The following SLC4A4 variants were observed in gnomAD, a reference collection of about 807,000 sequenced individuals.
The protein encoded by SLC4A4 is electrogenic sodium bicarbonate cotransporter 1.
Under a neutral mutation model 111.5 loss-of-function variants are expected in SLC4A4, and 27 were observed. The ratio of observed to expected loss-of-function variants is 0.24; its 90% CI spans 0.18 to 0.33. SLC4A4 has a LOEUF of 0.33. Ranked by LOEUF, SLC4A4 falls within the 10% of genes least tolerant of loss-of-function variation. SLC4A4 has a pLI of 1.00. For synonymous variants in SLC4A4, 443 were observed against 463.4 expected (o/e 0.96, Z 0.57); for missense variants, 909 against 1,315.5 (o/e 0.69, Z 4.78).
chr4:71,458,222 C>T (rs1282644426), intron 12 of SLC4A4, among the ~76,000 whole-genome samples: 8 of 152,000 alleles, frequency 5.3e-5, no homozygotes, highest in African/African-American at 1.9e-4. Flanking sequence ...ATTCAAAGTA[C>T]TGTCTGAATG....
At chr4:71,069,887 G>A (rs200502302) in intron 1 of SLC4A4, among the ~76,000 whole-genome samples, 1,572 of 151,406 alleles carry the variant, frequency 0.01, 35 homozygotes, top group African/African-American at 0.036. Context: ...AATAAAATTA[G>A]TTTTTTTTTA....
chr4:71,503,241 CTT>C (rs201455805), intron 16 of SLC4A4, among the ~76,000 whole-genome samples: 13 of 136,676 alleles, frequency 9.5e-5, no homozygotes, highest in Middle Eastern at 4.0e-3. Context: ...ATAGTTTGGT[CTT>C]TTTTTTTTTT....
At chr4:71,530,737 C>T (rs1024504300) in intron 16 of SLC4A4, among the ~76,000 whole-genome samples, 15 of 152,084 alleles carry the variant, frequency 9.9e-5, no homozygotes, top group Non-Finnish European at 1.5e-5. Flanking sequence ...AGGGCTTTTA[C>T]CTTACCCACC....
chr4:71,259,284 C>T (rs149511495), intron 3 of SLC4A4, among the ~76,000 whole-genome samples: 39 of 152,030 alleles, frequency 2.6e-4, no homozygotes, highest in Middle Eastern at 3.4e-3. Context: ...GTGTCAAGAC[C>T]GGGTTTCTAA....
At chr4:71,274,189 C>T (rs1409536060) in intron 3 of SLC4A4, among the ~76,000 whole-genome samples, 6 of 152,022 alleles carry the variant, frequency 3.9e-5, no homozygotes, top group East Asian at 1.9e-4. Context: ...TTAAGAGAAT[C>T]GTAATGAAGA....
At chr4:71,560,070 A>G in intron 22 of SLC4A4, 23 bp from the exon 23 acceptor site, 1 of 1,582,168 alleles carries the variant, frequency 6.3e-7, no homozygotes, top group Non-Finnish European at 8.7e-7. Context: ...TTTCTTTCAT[A>G]CTTTTAATAT....
chr4:71,408,981 G>C (rs1721118887), intron 7 of SLC4A4, among the ~76,000 whole-genome samples: 1 of 152,130 alleles, frequency 6.6e-6, no homozygotes, highest in East Asian at 1.9e-4. Context: ...AGATCTATGG[G>C]CTTATCTGGT....
At chr4:71,345,623 G>A (rs1729259420) in intron 4 of SLC4A4, among the ~76,000 whole-genome samples, 1 of 151,858 alleles carries the variant, frequency 6.6e-6, no homozygotes, top group Admixed American at 6.6e-5. Context: ...TTTACTTCAG[G>A]TAAATCTGAA....
chr4:71,141,099 A>G (rs1330976766), intron 2 of SLC4A4, among the ~76,000 whole-genome samples: 1 of 152,206 alleles, frequency 6.6e-6, no homozygotes, highest in African/African-American at 2.4e-5. Context: ...ATAGAACTCA[A>G]AAAAGAAAAA....
chr4:71,336,643 T>G (rs1245147729), intron 3 of SLC4A4, among the ~76,000 whole-genome samples: 1 of 152,198 alleles, frequency 6.6e-6, no homozygotes, highest in African/African-American at 2.4e-5. Context: ...TTACATTTTA[T>G]CCTGTGTGCT....
At chr4:71,530,284 T>G (rs1733804665) in intron 16 of SLC4A4, among the ~76,000 whole-genome samples, 1 of 152,160 alleles carries the variant, frequency 6.6e-6, no homozygotes, top group South Asian at 2.1e-4. Context: ...GAGAGTTTAT[T>G]ATGTTCCAGG....
intron 5 of SLC4A4, among the ~76,000 whole-genome samples, chr4:71,355,299 G>C (rs572886087): frequency 6.6e-6 from 1 of 152,304 alleles, no homozygotes; most frequent in South Asian, 2.1e-4. Flanking sequence ...TGGTGGGACT[G>C]TTTGTTTGTT....
At position 71,266,933 on chromosome 4, in the gene SLC4A4, GT is replaced by G. The variant is rs138438208; in HGVS notation, c.253+11535del. ...AAATTTCATGAAAACTGACATTTTGGTGGGGGAAATAACACAAATCAGATAA... is the reference window on the plus strand; with the variant it reads ...AAATTTCATGAAAACTGACATTTTGGGGGGGAAATAACACAAATCAGATAA... On this transcript the variant is annotated intron_variant, in intron 3 of 25. Transcript: ENST00000264485. Among the ~76,000 whole-genome samples, 70 of 152,306 alleles carry G rather than the reference GT, an allele frequency of 4.6e-4. No homozygotes were observed. The East Asian group carries it at 5.8e-3, about 13-fold the overall frequency.
At chr4:71,113,814 C>A (rs945310137) in intron 2 of SLC4A4, among the ~76,000 whole-genome samples, 1 of 152,160 alleles carries the variant, frequency 6.6e-6, no homozygotes, top group African/African-American at 2.4e-5. Context: ...ATCTGTTAAA[C>A]ATTTCAATAC....
At chr4:71,157,315 ATGT>A (rs1182992371) in intron 2 of SLC4A4, among the ~76,000 whole-genome samples, 4 of 152,312 alleles carry the variant, frequency 2.6e-5, no homozygotes, top group African/African-American at 7.2e-5. Context: ...TATCAGAATA[ATGT>A]TATTATTTTT....
At chr4:71,118,542 T>G (rs1023683520) in intron 2 of SLC4A4, among the ~76,000 whole-genome samples, 9 of 152,206 alleles carry the variant, frequency 5.9e-5, no homozygotes, top group African/African-American at 1.7e-4. Context: ...CTGGGAGTAC[T>G]TTCCCTTTGC....
At chr4:71,330,601 T>C (rs1727896435) in intron 3 of SLC4A4, among the ~76,000 whole-genome samples, 1 of 152,176 alleles carries the variant, frequency 6.6e-6, no homozygotes, top group Non-Finnish European at 1.5e-5. Context: ...GATTAAAAAC[T>C]TAAATATTAG....
intron 1 of SLC4A4, among the ~76,000 whole-genome samples, chr4:71,202,812 A>G (rs575814731): frequency 6.6e-6 from 1 of 152,336 alleles, no homozygotes; most frequent in South Asian, 2.1e-4. Context: ...TACATGGAAT[A>G]CACAGTAATC....
At chr4:71,292,842 GTTTTT>G (rs869195687) in intron 3 of SLC4A4, among the ~76,000 whole-genome samples, 2 of 110,184 alleles carry the variant, frequency 1.8e-5, no homozygotes, top group Non-Finnish European at 3.5e-5. Flanking sequence ...GGTTTTTTTT[GTTTTT>G]TTTTTTTTTT....
Sources: allele counts gnomAD v4.1 joint callset (sites outside exome capture counted in the v4.1 genomes callset), GRCh38; gene constraint gnomAD v4.1.1; transcripts MANE v1.5; gene names NCBI Gene and HGNC (gene_info 2026-07-23, HGNC 2026-07-21).